SPOCK1: variants seen among roughly 807,000 people sequenced by gnomAD.
SPOCK1 encodes SPARC (osteonectin), cwcv and kazal like domains proteoglycan 1.
In SPOCK1, 23 loss-of-function variants were observed where a neutral mutation model predicts 55.3. That is an observed-to-expected ratio of 0.42 (90% CI 0.30 to 0.59). SPOCK1 has a LOEUF of 0.59. SPOCK1 is among the 20% of genes least tolerant of loss of function. SPOCK1 has a pLI of 0.22. For synonymous variants in SPOCK1, 226 were observed against 221.0 expected (o/e 1.02, Z -0.20); for missense variants, 499 against 552.5 (o/e 0.90, Z 0.97).
At chr5:137,371,250 G>T (rs1647793382) in intron 2 of SPOCK1, among the ~76,000 whole-genome samples, 1 of 152,220 alleles carries the variant, frequency 6.6e-6, no homozygotes, top group Non-Finnish European at 1.5e-5. Context: ...CGTCCTGGCT[G>T]CAAGATGTTA....
intron 3 of SPOCK1, among the ~76,000 whole-genome samples, chr5:137,216,245 T>G (rs531385865): frequency 2.4e-4 from 36 of 152,264 alleles, no homozygotes; most frequent in Non-Finnish European, 3.5e-4. Flanking sequence ...AATGAGATGC[T>G]TGTATATGGC....
chr5:137,263,231 CTT>C (rs1756783024), intron 3 of SPOCK1, among the ~76,000 whole-genome samples: 1 of 152,144 alleles, frequency 6.6e-6, no homozygotes, highest in South Asian at 2.1e-4. Flanking sequence ...AAATGGGTTT[CTT>C]TACTGAAAGA....
At chr5:137,244,892 G>T (rs1339993836) in intron 3 of SPOCK1, among the ~76,000 whole-genome samples, 2 of 152,188 alleles carry the variant, frequency 1.3e-5, no homozygotes, top group Non-Finnish European at 2.9e-5. Context: ...GGTGGGGAGG[G>T]CAGACTCTTT....
chr5:137,408,904 A>G (rs1580909674), intron 2 of SPOCK1, among the ~76,000 whole-genome samples: 1 of 152,294 alleles, frequency 6.6e-6, no homozygotes, highest in East Asian at 1.9e-4. Context: ...AAATGGGAGG[A>G]TAACTCCACT....
chr5:137,019,682 T>C (rs183926659), intron 6 of SPOCK1, among the ~76,000 whole-genome samples: 58 of 152,078 alleles, frequency 3.8e-4, no homozygotes, highest in Non-Finnish European at 6.9e-4. Context: ...AAACAAAAAA[T>C]AGATATTTTG....
intron 8 of SPOCK1, among the ~76,000 whole-genome samples, chr5:136,986,883 T>C (rs1392861979): frequency 1.3e-5 from 2 of 152,142 alleles, no homozygotes; most frequent in Non-Finnish European, 2.9e-5. Context: ...AAATTACCAA[T>C]AGGAATTGTT....
chr5:137,168,624 T>C (rs1338231210), intron 3 of SPOCK1, among the ~76,000 whole-genome samples: 1 of 152,146 alleles, frequency 6.6e-6, no homozygotes. Context: ...TCACTGATCA[T>C]CAGCGAAATG....
At chr5:137,058,621 A>G (rs1423114735) in intron 6 of SPOCK1, among the ~76,000 whole-genome samples, 1 of 152,242 alleles carries the variant, frequency 6.6e-6, no homozygotes, top group South Asian at 2.1e-4. Flanking sequence ...CAATAAAGAA[A>G]AAAGGTAAGC....
chr5:137,295,681 C>T lies in SPOCK1; in HGVS notation c.187-28626G>A, dbSNP rs557749717. On this transcript the variant is annotated intron_variant, in intron 2 of 10. Transcript: ENST00000394945. ...GGCATCAGGGAGTTAAGGGTACACT[C>T]ACTTCACTGACCAAGCAAGTTTAGT... Among the ~76,000 whole-genome samples, 21 of 151,472 alleles carry T rather than the reference C, an allele frequency of 1.4e-4. No individual in the cohort carries two copies. The South Asian group carries it at 4.0e-3, about 29-fold the overall frequency.
chr5:137,386,581 C>T (rs1751603290), intron 2 of SPOCK1, among the ~76,000 whole-genome samples: 1 of 152,114 alleles, frequency 6.6e-6, no homozygotes, highest in Non-Finnish European at 1.5e-5. Flanking sequence ...GTCTTTTCAA[C>T]AAATAGTGCT....
At chr5:137,408,555 C>A (rs1752146674) in intron 2 of SPOCK1, among the ~76,000 whole-genome samples, 1 of 152,182 alleles carries the variant, frequency 6.6e-6, no homozygotes, top group Admixed American at 6.5e-5. Flanking sequence ...TGTCTCTAAT[C>A]CAAACCCATT....
Position 137,301,740 on chromosome 5 carries a change from G to A in SPOCK1, c.187-34685C>T, listed in dbSNP as rs58843580. Among the ~76,000 whole-genome samples, 880 of 150,758 alleles carry A rather than the reference G, an allele frequency of 5.8e-3. 8 individuals carry two copies. The highest frequency in any genetic ancestry group is 0.021 in the African/African-American group (850 of 40,990). On this transcript the variant is annotated intron_variant, in intron 2 of 10. Coordinates refer to ENST00000394945, the MANE Select transcript of SPOCK1 (RefSeq NM_004598.4). The stretch of plus-strand genomic sequence containing the variant: ...AGTTTACTCAACTAATATTGGCAAG[G>A]TGATTCCATGCCTTACAAAATTTCC...
At chr5:137,409,813 A>G (rs927402290) in intron 2 of SPOCK1, among the ~76,000 whole-genome samples, 3 of 152,238 alleles carry the variant, frequency 2.0e-5, no homozygotes, top group Admixed American at 2.0e-4. Context: ...ATCATTTGAC[A>G]GCTATTATAT....
At chr5:137,258,325 G>A (rs906046603) in intron 3 of SPOCK1, among the ~76,000 whole-genome samples, 10 of 152,284 alleles carry the variant, frequency 6.6e-5, no homozygotes, top group African/African-American at 2.2e-4. Context: ...GGTTTCTGGG[G>A]CAGAATGAAC....
At chr5:137,227,070 C>G (rs986727169) in intron 3 of SPOCK1, among the ~76,000 whole-genome samples, 2 of 152,174 alleles carry the variant, frequency 1.3e-5, no homozygotes, top group Non-Finnish European at 2.9e-5. Flanking sequence ...GGATTTGTGA[C>G]AAGGGGACAA....
chr5:137,347,706 G>A (rs773442377), intron 2 of SPOCK1, among the ~76,000 whole-genome samples: 1 of 152,012 alleles, frequency 6.6e-6, no homozygotes, highest in Non-Finnish European at 1.5e-5. Flanking sequence ...AACAGGGCAA[G>A]ACTCCATCTC....
intron 2 of SPOCK1, among the ~76,000 whole-genome samples, chr5:137,289,211 A>T (rs769589702): frequency 2.0e-5 from 3 of 152,272 alleles, no homozygotes; most frequent in Non-Finnish European, 4.4e-5. Context: ...AATGCTCATT[A>T]TAAGTAATAC....
chr5:137,271,177 A>G (rs141917210), intron 2 of SPOCK1, among the ~76,000 whole-genome samples: 1 of 151,966 alleles, frequency 6.6e-6, no homozygotes, highest in South Asian at 2.1e-4. Context: ...TATTTTCTAC[A>G]GCTGATCAAC....
intron 7 of SPOCK1, among the ~76,000 whole-genome samples, chr5:136,990,442 G>T (rs112464669): frequency 6.6e-6 from 1 of 150,564 alleles, no homozygotes; most frequent in Non-Finnish European, 1.5e-5. Flanking sequence ...AAAAAAAAAT[G>T]TTGGGAGACG....
Sources: allele counts gnomAD v4.1 joint callset (sites outside exome capture counted in the v4.1 genomes callset), GRCh38; gene constraint gnomAD v4.1.1; transcripts MANE v1.5; gene names NCBI Gene and HGNC (gene_info 2026-07-23, HGNC 2026-07-21).